The following PLXNA4 variants were observed in gnomAD, a reference collection of about 807,000 sequenced individuals.
PLXNA4 encodes the protein plexin-A4.
In PLXNA4, 44 loss-of-function variants were observed where a neutral mutation model predicts 191.8. That is an observed-to-expected ratio of 0.23 (90% CI 0.18 to 0.29). PLXNA4 has a LOEUF of 0.29. Ranked by LOEUF, PLXNA4 falls within the 10% of genes least tolerant of loss-of-function variation. PLXNA4 has a pLI of 1.00. For missense variants in PLXNA4, 1,800 were observed against 2,488.8 expected (o/e 0.72, Z 5.89); for synonymous variants, 1,082 against 1,009.5 (o/e 1.07, Z -1.36).
chr7:132,434,106 T>G (rs1396207099), intron 3 of PLXNA4, among the ~76,000 whole-genome samples: 1 of 152,342 alleles, frequency 6.6e-6, no homozygotes, highest in African/African-American at 2.4e-5. Flanking sequence ...CCAAGGACGC[T>G]TCCCGCCTTT....
At chr7:132,456,500 C>T (rs1421943519) in intron 3 of PLXNA4, among the ~76,000 whole-genome samples, 1 of 152,120 alleles carries the variant, frequency 6.6e-6, no homozygotes, top group East Asian at 1.9e-4. Flanking sequence ...CAGAACTAAG[C>T]CAAAACAACC....
chr7:132,435,325 C>G (rs371531255), intron 3 of PLXNA4, among the ~76,000 whole-genome samples: 60 of 152,212 alleles, frequency 3.9e-4, no homozygotes, highest in African/African-American at 1.3e-3. Context: ...ATTCTGGAAT[C>G]TAGACAACAT....
At chr7:132,238,415 C>T (rs906026784) in intron 5 of PLXNA4, among the ~76,000 whole-genome samples, 2 of 152,056 alleles carry the variant, frequency 1.3e-5, no homozygotes, top group Non-Finnish European at 2.9e-5. Context: ...TGTTTAAAGC[C>T]CCACAACAAG....
At chr7:132,148,489 C>T in intron 26 of PLXNA4, 54 bp downstream of exon 26, 2 of 1,606,892 alleles carry the variant, frequency 1.2e-6, no homozygotes, top group Non-Finnish European at 1.7e-6. Context: ...CAATGATTTC[C>T]AGGGCAAGGG....
At chr7:132,221,681 TCA>T (rs1391743648) in intron 9 of PLXNA4, among the ~76,000 whole-genome samples, 2 of 152,204 alleles carry the variant, frequency 1.3e-5, no homozygotes, top group East Asian at 3.9e-4. Flanking sequence ...AGTATGAGAT[TCA>T]CACTCTTACA....
intron 1 of PLXNA4, among the ~76,000 whole-genome samples, chr7:132,544,751 A>G (rs1252280907): frequency 6.6e-6 from 1 of 152,218 alleles, no homozygotes. Flanking sequence ...CACTACAGAT[A>G]TTTTTTCCTC....
intron 3 of PLXNA4, 143 bp from the exon 4 acceptor site, chr7:132,298,365 G>A (rs1801184548): frequency 8.6e-7 from 1 of 1,158,796 alleles, no homozygotes; most frequent in African/African-American, 1.6e-5. Context: ...GCCAAGGAGT[G>A]GAGTGACATA....
intron 3 of PLXNA4, among the ~76,000 whole-genome samples, chr7:132,480,740 C>G (rs1037864515): frequency 6.6e-6 from 1 of 152,226 alleles, no homozygotes; most frequent in African/African-American, 2.4e-5. Context: ...ACCTCCTCCC[C>G]TCCCTGTGGC....
intron 3 of PLXNA4, among the ~76,000 whole-genome samples, chr7:132,392,209 A>G (rs1793523908): frequency 6.6e-6 from 1 of 152,170 alleles, no homozygotes; most frequent in African/African-American, 2.4e-5. Flanking sequence ...CTGTCCTACT[A>G]GAACATAAGT....
In PLXNA4 at chr7:132,528,441, A is replaced by C. The variant is rs551328008; in HGVS notation, c.-86-19662T>G. On this transcript the variant is annotated intron_variant, in intron 1 of 31. Transcript: ENST00000321063. ...GGCCGCACCCCAGAAGCAGGCAGCC[A>C]TGATTGGAATAAGCCAATGATTCCC... 7.2e-5 allele frequency among the ~76,000 whole-genome samples: 11 copies of C among 152,348 alleles called. 2 individuals carry two copies. The South Asian group carries it at 2.3e-3, about 32-fold the overall frequency.
At chr7:132,562,467 CCT>C (rs1801240412) in intron 1 of PLXNA4, among the ~76,000 whole-genome samples, 2 of 90,474 alleles carry the variant, frequency 2.2e-5, no homozygotes, top group African/African-American at 4.0e-5. Flanking sequence ...TCCTCCTCCT[CCT>C]TTCTCCTCCT....
intron 3 of PLXNA4, among the ~76,000 whole-genome samples, chr7:132,462,154 G>A (rs1250189830): frequency 2.0e-5 from 3 of 152,156 alleles, no homozygotes; most frequent in Non-Finnish European, 4.4e-5. Flanking sequence ...GGGAGGAGAA[G>A]GACTAAAATC....
intron 2 of PLXNA4, among the ~76,000 whole-genome samples, chr7:132,631,734 C>T (rs1803494115): frequency 6.6e-6 from 1 of 152,174 alleles, no homozygotes. Context: ...ACCCACCTCT[C>T]CTCATTATTC....
chr7:132,450,441 C>A (rs748555865), intron 3 of PLXNA4, among the ~76,000 whole-genome samples: 2 of 152,142 alleles, frequency 1.3e-5, no homozygotes, highest in Non-Finnish European at 2.9e-5. Flanking sequence ...TCTTCAGAAC[C>A]AATACCGTAA....
chr7:132,365,735 G>C (rs1804152653), intron 3 of PLXNA4, among the ~76,000 whole-genome samples: 1 of 152,198 alleles, frequency 6.6e-6, no homozygotes. Flanking sequence ...AGTGCTCTTA[G>C]ATAGAAACCC....
chr7:132,167,320 A>G (rs1379825447), intron 22 of PLXNA4, among the ~76,000 whole-genome samples: 3 of 152,156 alleles, frequency 2.0e-5, no homozygotes, highest in Non-Finnish European at 4.4e-5. Context: ...TGAGGCCTCC[A>G]GGGTGTTGAG....
At chr7:132,151,494 A>AAGG (rs1186108507) in intron 25 of PLXNA4, among the ~76,000 whole-genome samples, 1 of 12,908 alleles carries the variant, frequency 7.7e-5, no homozygotes, top group East Asian at 3.6e-3. Flanking sequence ...GAGGAAGAAG[A>AAGG]AGGAGGAGGA....
chr7:132,593,674 G>T (rs1802647436), intron 2 of PLXNA4, among the ~76,000 whole-genome samples: 2 of 152,214 alleles, frequency 1.3e-5, no homozygotes, highest in Admixed American at 6.5e-5. Flanking sequence ...CAGGCAGCAG[G>T]TCTCACTGGC....
intron 2 of PLXNA4, among the ~76,000 whole-genome samples, chr7:132,493,986 T>A (rs1241116262): frequency 6.6e-6 from 1 of 152,198 alleles, no homozygotes; most frequent in Admixed American, 6.5e-5. Flanking sequence ...GTACATACTT[T>A]GTTGTACTGT....
Sources: allele counts gnomAD v4.1 joint callset (sites outside exome capture counted in the v4.1 genomes callset), GRCh38; gene constraint gnomAD v4.1.1; transcripts MANE v1.5; gene names NCBI Gene and HGNC (gene_info 2026-07-23, HGNC 2026-07-21).